The following TNFRSF8 variants were observed in gnomAD, a reference collection of about 807,000 sequenced individuals.
TNFRSF8 encodes the protein tumor necrosis factor receptor superfamily member 8.
TNFRSF8 carries 26 observed loss-of-function variants against 70.8 expected under a neutral mutation model. That is an observed-to-expected ratio of 0.37 (90% confidence interval 0.27 to 0.51). The LOEUF is 0.51. Ranked by LOEUF, TNFRSF8 falls within the 20% of genes least tolerant of loss-of-function variation. The probability of loss-of-function intolerance (pLI) is 0.94; values close to 1 mark genes in which losing one functional copy is unlikely to be tolerated. For synonymous variants in TNFRSF8, 356 were observed against 339.2 expected (o/e 1.05, Z -0.54); for missense variants, 720 against 807.9 (o/e 0.89, Z 1.32).
At chr1:12,065,779 T>C (rs75074258) in intron 1 of TNFRSF8, among the ~76,000 whole-genome samples, 3,583 of 152,312 alleles carry the variant, frequency 0.024, 150 homozygotes, top group African/African-American at 0.079. Flanking sequence ...AGTTTATTTA[T>C]GTCCTGGATG....
chr1:12,131,262 C>T (rs1171872905), intron 12 of TNFRSF8, among the ~76,000 whole-genome samples: 1 of 152,108 alleles, frequency 6.6e-6, no homozygotes, highest in Non-Finnish European at 1.5e-5. Flanking sequence ...CCAGCCTGGC[C>T]AACAAGACAA....
rs868480951 is a variant in TNFRSF8 at position 12,067,903 on chromosome 1, C to T, written c.63+4242C>T. On this transcript the variant is annotated intron_variant, in intron 1 of 14. Coordinates refer to ENST00000263932, the MANE Select transcript of TNFRSF8 (RefSeq NM_001243.5). Reference sequence around the variant, plus strand: ...CAGGGAGGCAAGGACGGCGGGGGGGCGGGGGGGGGACCTGGAGAGGAGGGG... The same window carrying T: ...CAGGGAGGCAAGGACGGCGGGGGGGTGGGGGGGGGACCTGGAGAGGAGGGG... 3.2e-3 allele frequency among the ~76,000 whole-genome samples: 224 copies of T among 69,160 alleles called. 1 individual carries two copies. The highest frequency in any genetic ancestry group is 0.01 in the African/African-American group (191 of 18,658). 45.4% of individuals were successfully genotyped at this position (69,160 alleles called of 152,430 possible).
chr1:12,086,183 C>T (rs551162680), intron 2 of TNFRSF8, among the ~76,000 whole-genome samples: 11 of 152,154 alleles, frequency 7.2e-5, no homozygotes, highest in Admixed American at 7.2e-4. Flanking sequence ...AGACTTGTGG[C>T]CTCAACTCCC....
chr1:12,117,418 T>C (rs565806627), intron 8 of TNFRSF8, among the ~76,000 whole-genome samples: 1 of 152,288 alleles, frequency 6.6e-6, no homozygotes, highest in South Asian at 2.1e-4. Context: ...ATTGAAGGAA[T>C]ATCCGGGGAA....
Position 12,111,955 on chromosome 1 carries a change from A to T in TNFRSF8, c.734A>T (p.Glu245Val), listed in dbSNP as rs1286245431. The change falls in exon 7 of 15, where the codon GAG (glutamate) becomes GTG (valine). Residue 245 changes from glutamate to valine, a missense_variant. Physicochemically the swap from Glu to Val is moderately radical, Grantham distance 121 (BLOSUM62 -2). Transcript: ENST00000263932. ...TCTGGTGATTGCAGAAAGCAGTGTG[A>T]GCCCGACTACTACCTGGACGAGGCC... Reference protein sequence around the residue: ...EGSGDCRKQCEPDYYLDEAGR... With the variant: ...EGSGDCRKQCVPDYYLDEAGR... 3.1e-6 allele frequency: 5 copies of T among 1,614,186 alleles called. No individual in the cohort carries two copies. In the East Asian group the frequency reaches 8.9e-5, roughly 29 times the overall value.
intron 12 of TNFRSF8, 69 bp downstream of exon 12, chr1:12,126,305 G>C: frequency 1.3e-6 from 2 of 1,575,222 alleles, no homozygotes; most frequent in Non-Finnish European, 1.7e-6. Context: ...GGCCCGGGGC[G>C]TGGGCTCCAG....
At chr1:12,087,022 G>T (rs116813903) in intron 2 of TNFRSF8, among the ~76,000 whole-genome samples, 1 of 148,694 alleles carries the variant, frequency 6.7e-6, no homozygotes. Context: ...CCCATTCACC[G>T]CCCCCATCCA....
intron 2 of TNFRSF8, among the ~76,000 whole-genome samples, chr1:12,086,326 G>A (rs1641152135): frequency 6.6e-6 from 1 of 152,120 alleles, no homozygotes; most frequent in African/African-American, 2.4e-5. Flanking sequence ...TCATTGTATG[G>A]GCAAAAGTAG....
rs1421189549 is a variant in TNFRSF8, at chr1:12,086,053, C to T, written c.151+1502C>T. On this transcript the variant is annotated intron_variant, in intron 2 of 14. Coordinates refer to ENST00000263932, the MANE Select transcript of TNFRSF8 (RefSeq NM_001243.5). ...TGGGCGGGCATCGTCTGGAGGGCTT[C>T]CGACAGTGGGGGCGGAGGGGCCCAT... is the stretch of plus-strand genomic sequence containing the variant. Among the ~76,000 whole-genome samples the T allele has an allele frequency of 2.6e-5, 4 of 152,180 alleles. No individual in the cohort carries two copies. The South Asian group carries it at 8.3e-4, about 32-fold the overall frequency.
In TNFRSF8 at chr1:12,110,250, T is replaced by C. The variant is rs1427733317; in HGVS notation, c.676+46T>C. ...TGGGTCGTCTCCCTGGGGTGCTCGATTGGTGGATGGCCCATGAGTGGGGGT... is the reference window on the plus strand; with the variant it reads ...TGGGTCGTCTCCCTGGGGTGCTCGACTGGTGGATGGCCCATGAGTGGGGGT... On this transcript the variant is annotated intron_variant, in intron 6 of 14. Coordinates refer to ENST00000263932, the MANE Select transcript of TNFRSF8 (RefSeq NM_001243.5). This position sits in a 1 kb window ranked among gnomAD's most constrained non-coding sequence, Gnocchi z 4.0. The C allele has an allele frequency of 6.6e-7, 1 of 1,524,018 alleles. No individual in the cohort carries two copies. Among genetic ancestry groups the C allele is most frequent in the Non-Finnish European group, 8.8e-7 (1 of 1,134,614 alleles). 94.4% of individuals were successfully genotyped at this position (1,524,018 alleles called of 1,614,324 possible). A position where few individuals can be genotyped will look rare whatever the true frequency, so the allele number is the denominator to read the frequency against.
At chr1:12,136,265 A>G (rs564223515) in intron 13 of TNFRSF8, among the ~76,000 whole-genome samples, 1 of 152,202 alleles carries the variant, frequency 6.6e-6, no homozygotes, top group Admixed American at 6.5e-5. Flanking sequence ...ATACTGAGAA[A>G]TTTCATGAAA....
intron 12 of TNFRSF8, among the ~76,000 whole-genome samples, chr1:12,132,153 C>A (rs773863640): frequency 4.6e-5 from 7 of 152,234 alleles, no homozygotes; most frequent in Non-Finnish European, 1.0e-4. Flanking sequence ...GGAGTTCCCA[C>A]ATGCCCCACA....
At chr1:12,136,655 A>G (rs1293333876) in intron 13 of TNFRSF8, among the ~76,000 whole-genome samples, 1 of 151,306 alleles carries the variant, frequency 6.6e-6, no homozygotes, top group African/African-American at 2.4e-5. Flanking sequence ...ATCTGAAAAA[A>G]AAAAAAAAAA....
intron 7 of TNFRSF8, among the ~76,000 whole-genome samples, chr1:12,114,253 C>T (rs1473901591): frequency 1.3e-5 from 2 of 152,152 alleles, no homozygotes; most frequent in Non-Finnish European, 1.5e-5. Context: ...CTCAGAGAAC[C>T]ATGTGAGAAT....
chr1:12,097,191 G>A lies in TNFRSF8; in HGVS notation c.242G>A (p.Cys81Tyr). ...PDYYLDEADR[C>Y]TACVTCSRDD... ...TACTACCTGGATGAGGCCGACCGCT[G>A]TACAGCCTGCGTGACTTGTTCTCGA... is the stretch of plus-strand genomic sequence containing the variant. Residue 81 changes from cysteine (C) to tyrosine (Y), a missense_variant, in exon 3 of 15, where the codon TGT becomes TAT. Transcript: ENST00000263932. 2 of 1,613,986 alleles carry A rather than the reference G, an allele frequency of 1.2e-6. No individual in the cohort carries two copies. The highest frequency in any genetic ancestry group is 1.7e-6 in the Non-Finnish European group (2 of 1,179,918).
intron 8 of TNFRSF8, among the ~76,000 whole-genome samples, chr1:12,116,059 G>A (rs1197371393): frequency 2.0e-5 from 3 of 152,224 alleles, no homozygotes; most frequent in East Asian, 1.9e-4. Context: ...TCGGCTCACC[G>A]CAACCTGCAC....
intron 1 of TNFRSF8, among the ~76,000 whole-genome samples, chr1:12,072,201 T>C (rs1252284414): frequency 6.6e-6 from 1 of 152,196 alleles, no homozygotes; most frequent in Non-Finnish European, 1.5e-5. Flanking sequence ...TGTCAAGTGC[T>C]GAGAGCAGCT....
intron 14 of TNFRSF8, among the ~76,000 whole-genome samples, chr1:12,139,798 C>G (rs2101050771): frequency 6.6e-6 from 1 of 152,230 alleles, no homozygotes; most frequent in South Asian, 2.1e-4. Context: ...TCATGCCTGG[C>G]TAATTTTTTG....
intron 13 of TNFRSF8, among the ~76,000 whole-genome samples, chr1:12,136,235 T>G (rs779241934): frequency 4.8e-4 from 73 of 152,234 alleles, no homozygotes; most frequent in Non-Finnish European, 2.1e-4. Context: ...TATGCTTGGA[T>G]GTGACAAGTG....
Sources: gnomAD v4.1 joint callset for allele counts (sites outside exome capture counted in the v4.1 genomes callset) on GRCh38, gnomAD v4.1.1 for gene constraint, Gnocchi (gnomAD v3.1) non-coding constraint, MANE v1.5 for transcripts, NCBI Gene and HGNC (gene_info 2026-07-23, HGNC 2026-07-21) for gene names.